Variants in PC observed in about 807,000 individuals in gnomAD.
PC encodes pyruvate carboxylase, mitochondrial.
Under a neutral mutation model 107.8 loss-of-function variants are expected in PC, and 46 were observed. The observed-to-expected ratio is 0.43, with a 90% CI of 0.34 to 0.55. PC has a LOEUF of 0.55. Among genes scored for constraint, PC ranks in the 20% least tolerant of loss-of-function variants. PC has a pLI of 0.04. For synonymous variants in PC, 662 were observed against 684.7 expected, an observed-to-expected ratio of 0.97 and a Z score of 0.52; for missense variants, 1,241 against 1,643.1, an observed-to-expected ratio of 0.76 and a Z score of 4.23.
rs1021066040 is a variant in PC, at chr11:66,954,390, G to A, written c.-181C>T. 3.0e-4 allele frequency: 46 copies of A among 152,258 alleles called. No individual in the cohort carries two copies. Among genetic ancestry groups the A allele is most frequent in the African/African-American group, 1.1e-3 (45 of 41,462 alleles). The allele number at this position is 152,258 out of a possible 1,614,324, so 9.4% of individuals were successfully genotyped here. A position where few individuals can be genotyped will look rare whatever the true frequency, so the allele number is the denominator to read the frequency against. ...GGCCATTTCCCATCTTCCACCGTCAGGCCCGACTCCTTTGGCAAAGTGTCC... is the reference window on the plus strand; with the variant it reads ...GGCCATTTCCCATCTTCCACCGTCAAGCCCGACTCCTTTGGCAAAGTGTCC... On this transcript the variant is annotated 5_prime_UTR_variant, in exon 2 of 23. Transcript: ENST00000393960.
At chr11:66,869,920 G>A (rs1370285351) in intron 9 of PC, among the ~76,000 whole-genome samples, 1 of 152,226 alleles carries the variant, frequency 6.6e-6, no homozygotes, top group African/African-American at 2.4e-5. Flanking sequence ...AAGCACATGA[G>A]GGAGGACTGC....
intron 11 of PC, among the ~76,000 whole-genome samples, chr11:66,864,471 C>T (rs754965396): frequency 5.9e-5 from 9 of 152,254 alleles, no homozygotes; most frequent in Non-Finnish European, 8.8e-5. Context: ...CAAGGCTGAC[C>T]GGGGGTTTGT....
At chr11:66,881,049 G>A (rs1396429537) in intron 3 of PC, among the ~76,000 whole-genome samples, 7 of 152,208 alleles carry the variant, frequency 4.6e-5, no homozygotes, top group Non-Finnish European at 7.3e-5. Flanking sequence ...ACAGTTACAC[G>A]CCTCGGGGGA....
chr11:66,889,440 G>A (rs1043500906), intron 3 of PC, among the ~76,000 whole-genome samples: 9 of 151,914 alleles, frequency 5.9e-5, no homozygotes, highest in African/African-American at 1.9e-4. Context: ...GCATGATCTC[G>A]GCTCACTGCA....
At chr11:66,929,657 G>A (rs1356415515) in intron 3 of PC, among the ~76,000 whole-genome samples, 2 of 151,862 alleles carry the variant, frequency 1.3e-5, no homozygotes, top group African/African-American at 2.4e-5. Flanking sequence ...GTGAGCCACG[G>A]TGCCTGGCCT....
At chr11:66,935,300 A>G (rs749016322) in intron 3 of PC, among the ~76,000 whole-genome samples, 9 of 152,268 alleles carry the variant, frequency 5.9e-5, no homozygotes, top group Non-Finnish European at 1.2e-4. Context: ...ATGGACAGAA[A>G]GATGGCTCAG....
chr11:66,848,972 C>T lies in PC; in HGVS notation c.3464G>A (p.Gly1155Asp). ...METVVTSPMEGTVRKVHVTKD... is the reference protein window; with the variant it reads ...METVVTSPMEDTVRKVHVTKD... ...GGTCACATGAACCTTGCGGACAGTA[C>T]CCTCCATGGGTGAGGTCACCACAGT... Residue 1155 changes from glycine (G) to aspartate (D), a missense_variant, in exon 23 of 23, where the codon GGT (glycine) becomes GAT (aspartate). Coordinates refer to ENST00000393960, the MANE Select transcript of PC (RefSeq NM_001040716.2). 4 of 1,614,100 alleles carry T rather than the reference C, an allele frequency of 2.5e-6. No homozygotes were observed. The highest frequency in any genetic ancestry group is 3.4e-6 in the Non-Finnish European group (4 of 1,180,038).
intron 3 of PC, among the ~76,000 whole-genome samples, chr11:66,930,794 G>GA (rs1405327734): frequency 6.8e-6 from 1 of 146,404 alleles, no homozygotes; most frequent in African/African-American, 2.5e-5. Flanking sequence ...CCTGAGAGAG[G>GA]AAAAAAAACA....
intron 3 of PC, among the ~76,000 whole-genome samples, chr11:66,892,943 G>A (rs893845901): frequency 3.3e-5 from 5 of 152,094 alleles, no homozygotes; most frequent in Non-Finnish European, 7.4e-5. Flanking sequence ...GGGGTGGGTG[G>A]AGGGGAGGCA....
intron 12 of PC, chr11:66,856,561 A>C (rs948437212): frequency 2.0e-5 from 3 of 152,560 alleles, no homozygotes; most frequent in African/African-American, 7.2e-5. Flanking sequence ...GGTGATGCAG[A>C]ACGGTTATGA....
At position 66,858,426 on chromosome 11, in the gene PC, G is replaced by A. The variant is rs1946011125; in HGVS notation, c.1369-5043C>T. 6.4e-7 allele frequency: 1 copy of A among 1,555,070 alleles called. No homozygotes were observed. On this transcript the variant is annotated intron_variant, in intron 12 of 22. Transcript: ENST00000393960. The surrounding 1 kb of genome is among the most constrained non-coding windows in gnomAD (Gnocchi z 5.9). Reference sequence around the variant, plus strand: ...TGCAGAGGCCTCTCCCGCCCCCCTGGTGCTGAGCTTTAGCGGGAACCCCCT... The same window carrying A: ...TGCAGAGGCCTCTCCCGCCCCCCTGATGCTGAGCTTTAGCGGGAACCCCCT...
rs943058047 is a variant in PC, at chr11:66,954,346, G to A, written c.-137C>T. 2.6e-5 allele frequency: 4 copies of A among 152,228 alleles called. No homozygotes were observed. Among genetic ancestry groups the A allele is most frequent in the Admixed American group, 2.6e-4 (4 of 15,280 alleles). The allele number at this position is 152,228 out of a possible 1,614,324, so 9.4% of individuals were successfully genotyped here. Reference sequence around the variant, plus strand: ...CAAGCTTTTCATTCGGTAAGTAAGAGGAAATGGTTTATTCTTTTGGCCATT... The same window carrying A: ...CAAGCTTTTCATTCGGTAAGTAAGAAGAAATGGTTTATTCTTTTGGCCATT... On this transcript the variant is annotated 5_prime_UTR_variant, in exon 2 of 23. Coordinates refer to ENST00000393960, the MANE Select transcript of PC (RefSeq NM_001040716.2).
At chr11:66,913,477 G>A (rs1023838357) in intron 3 of PC, among the ~76,000 whole-genome samples, 5 of 151,734 alleles carry the variant, frequency 3.3e-5, no homozygotes, top group Non-Finnish European at 5.9e-5. Context: ...AAGGTCAGGA[G>A]TTTGAGACCA....
intron 3 of PC, among the ~76,000 whole-genome samples, chr11:66,952,028 G>A (rs772927996): frequency 5.3e-5 from 8 of 152,146 alleles, no homozygotes; most frequent in Non-Finnish European, 1.0e-4. Flanking sequence ...CTGGAAACCC[G>A]TGTCAAGTGA....
At chr11:66,853,752 C>A (rs932123821) in intron 12 of PC, among the ~76,000 whole-genome samples, 8 of 152,250 alleles carry the variant, frequency 5.3e-5, no homozygotes, top group Non-Finnish European at 8.8e-5. Flanking sequence ...CGCAACAGAC[C>A]ACACTCTGGC....
At position 66,851,159 on chromosome 11, in the gene PC, C is replaced by T; in HGVS notation, c.2104G>A (p.Ala702Thr). 6.2e-7 allele frequency: 1 copy of T among 1,612,398 alleles called. No individual in the cohort carries two copies. ...AAGSAGGVVE[A>T]AISYTGDVAD... ...ACGTCGCCCGTGTATGAGATGGCAGCCTCCACCACGCCTCCGGCACTTCCT... is the reference window on the plus strand; with the variant it reads ...ACGTCGCCCGTGTATGAGATGGCAGTCTCCACCACGCCTCCGGCACTTCCT... Residue 702 changes from alanine (A) to threonine (T), a missense_variant, in exon 17 of 23, where the codon GCT (alanine) becomes ACT (threonine). Physicochemically the swap from Ala to Thr is moderately conservative, Grantham distance 58 (BLOSUM62 0). This residue lies in a region of PC where 1,143 missense variants were observed against 1,551.9 expected (regional missense o/e 0.74). Transcript: ENST00000393960.
At chr11:66,909,475 G>A (rs1270269090) in intron 3 of PC, among the ~76,000 whole-genome samples, 1 of 152,132 alleles carries the variant, frequency 6.6e-6, no homozygotes, top group Non-Finnish European at 1.5e-5. Context: ...CTGAGAGTGG[G>A]GTCACAGCTT....
Position 66,849,949 on chromosome 11 carries a change from G to T in PC, c.2886C>A (p.Pro962=). 6.2e-7 allele frequency: 1 copy of T among 1,613,584 alleles called. No individual in the cohort carries two copies. Among genetic ancestry groups the T allele is most frequent in the South Asian group, 1.1e-5 (1 of 91,084 alleles). Reference sequence around the variant, plus strand: ...GGGCCTTCCCTACCTTAGAGCGAAAGGGTTCGGGGAACCCCCCATGGGGGA... The same window carrying T: ...GGGCCTTCCCTACCTTAGAGCGAAATGGTTCGGGGAACCCCCCATGGGGGA... ...IGVPHGGFPE[P]FRSKVLKDLP... Residue 962 remains proline (P), a synonymous_variant, in exon 20 of 23, where the codon CCC becomes CCA. Coordinates refer to ENST00000393960, the MANE Select transcript of PC (RefSeq NM_001040716.2).
At chr11:66,883,888 T>C (rs1175234112) in intron 3 of PC, among the ~76,000 whole-genome samples, 2 of 151,812 alleles carry the variant, frequency 1.3e-5, no homozygotes, top group African/African-American at 4.8e-5. Flanking sequence ...GAGTTTGAGA[T>C]CAGCTTGGGC....
Sources: gnomAD v4.1 joint callset for allele counts (sites outside exome capture counted in the v4.1 genomes callset) on GRCh38, gnomAD v4.1.1 for gene constraint, gnomAD v4.1.1 regional missense constraint, Gnocchi (gnomAD v3.1) non-coding constraint, MANE v1.5 for transcripts, NCBI Gene and HGNC (gene_info 2026-07-23, HGNC 2026-07-21) for gene names.